MAP3K4: variants seen among roughly 807,000 people sequenced by gnomAD.
MAP3K4 encodes the protein MAP three kinase 1.
In MAP3K4, 67 loss-of-function variants were observed where a neutral mutation model predicts 185.6. That is an observed-to-expected ratio of 0.36 (90% CI 0.30 to 0.44). The LOEUF is 0.44. MAP3K4 is among the 20% of genes least tolerant of loss of function. MAP3K4 has a pLI of 1.00. For synonymous variants in MAP3K4, 702 were observed against 710.4 expected (o/e 0.99, Z 0.19); for missense variants, 1,551 against 1,995.1 (o/e 0.78, Z 4.24).
At chr6:161,060,052 A>C (rs1429903493) in intron 3 of MAP3K4, among the ~76,000 whole-genome samples, 1 of 152,206 alleles carries the variant, frequency 6.6e-6, no homozygotes, top group Non-Finnish European at 1.5e-5. Flanking sequence ...CTACTTTCCC[A>C]GGACACACAC....
chr6:161,024,739 T>G (rs77875505), intron 1 of MAP3K4, among the ~76,000 whole-genome samples: 1,614 of 152,298 alleles, frequency 0.011, 28 homozygotes, highest in African/African-American at 0.037. Context: ...GGCTTACCAC[T>G]GATATGTTAA....
At position 160,991,993 on chromosome 6, in the gene MAP3K4, C is replaced by T; in HGVS notation, c.62C>T (p.Ala21Val). Reference protein sequence around the residue: ...PPAFAVTPAAAMEEPPPPPPP... With the variant: ...PPAFAVTPAAVMEEPPPPPPP... The stretch of plus-strand genomic sequence containing the variant: ...GCCTTTGCCGTCACGCCTGCCGCCG[C>T]CATGGAGGAGCCGCCGCCACCGCCG... Residue 21 changes from alanine (A) to valine (V), a missense_variant, in exon 1 of 27, where the codon GCC becomes GTC. Ala to Val is a moderately conservative substitution (Grantham distance 64). Transcript: ENST00000392142. This position sits in a 1 kb window ranked among gnomAD's most constrained non-coding sequence, Gnocchi z 5.7. 1 of 1,545,964 alleles carries T rather than the reference C, an allele frequency of 6.5e-7. No homozygotes were observed. The highest frequency in any genetic ancestry group is 8.7e-7 in the Non-Finnish European group (1 of 1,152,678).
intron 19 of MAP3K4, 77 bp downstream of exon 19, chr6:161,102,856 T>C: frequency 2.1e-6 from 2 of 970,570 alleles, no homozygotes; most frequent in Non-Finnish European, 3.0e-6. Flanking sequence ...CAGTTTCAGG[T>C]AAAACTTGAT....
intron 1 of MAP3K4, among the ~76,000 whole-genome samples, chr6:161,016,679 A>C (rs1244563021): frequency 6.6e-6 from 1 of 152,168 alleles, no homozygotes; most frequent in Admixed American, 6.5e-5. Flanking sequence ...GGACTCTCTC[A>C]GTTCTGTTCC....
intron 25 of MAP3K4, among the ~76,000 whole-genome samples, chr6:161,113,921 C>T (rs1222854628): frequency 1.3e-5 from 2 of 151,316 alleles, no homozygotes; most frequent in African/African-American, 2.4e-5. Context: ...CCTCAGCCTC[C>T]CAAGTAGCTG....
chr6:161,009,386 ACT>A (rs1248784530), intron 1 of MAP3K4, among the ~76,000 whole-genome samples: 1 of 151,858 alleles, frequency 6.6e-6, no homozygotes, highest in African/African-American at 2.4e-5. Flanking sequence ...CAAAACTGAA[ACT>A]CTATACCCAT....
In MAP3K4 at chr6:161,053,290, G is replaced by C. The variant is rs1784086082; in HGVS notation, c.1707+3311G>C. 6.6e-6 allele frequency among the ~76,000 whole-genome samples: 1 copy of C among 152,112 alleles called. No individual in the cohort carries two copies. Among genetic ancestry groups the C allele is most frequent in the Non-Finnish European group, 1.5e-5 (1 of 68,024 alleles). ...TCACCATCATGAGAACAGCACCAAT[G>C]GGATGGTACTAAACGGTCACCTCCC... On this transcript the variant is annotated intron_variant, in intron 3 of 26. Coordinates refer to ENST00000392142, the MANE Select transcript of MAP3K4 (RefSeq NM_005922.4). The surrounding 1 kb of genome is among the most constrained non-coding windows in gnomAD (Gnocchi z 4.2).
chr6:161,111,738 T>G, intron 23 of MAP3K4, 98 bp from the exon 24 acceptor site: 2 of 1,164,892 alleles, frequency 1.7e-6, no homozygotes, highest in Non-Finnish European at 2.5e-6. Context: ...TTCGATTGTT[T>G]AGCTTGTGAA....
In MAP3K4 at chr6:161,022,466, G is replaced by A. The variant is rs181345620; in HGVS notation, c.153-11793G>A. ...TCACCAAAGATGTGAGTCCTAGAGC[G>A]GACCAGAGAACTGGCTCTCTGAACT... is the stretch of plus-strand genomic sequence containing the variant. On this transcript the variant is annotated intron_variant, in intron 1 of 26. Transcript: ENST00000392142. This position sits in a 1 kb window ranked among gnomAD's most constrained non-coding sequence, Gnocchi z 4.2. Among the ~76,000 whole-genome samples, 17 of 152,274 alleles carry A rather than the reference G, an allele frequency of 1.1e-4. No homozygotes were observed. The South Asian group carries it at 1.2e-3, about 11-fold the overall frequency.
Position 161,049,435 on chromosome 6 carries a change from A to G in MAP3K4, c.1163A>G (p.Asp388Gly). Residue 388 changes from aspartate to glycine, a missense_variant, in exon 3 of 27, where the codon GAC becomes GGC. Asp to Gly is a moderately conservative substitution (Grantham distance 94). This residue lies in a region of MAP3K4 where 93 missense variants were observed against 96.7 expected (regional missense o/e 0.96). Transcript: ENST00000392142. This position sits in a 1 kb window ranked among gnomAD's most constrained non-coding sequence, Gnocchi z 8.4. Reference sequence around the variant, plus strand: ...AAATATGCTGCAAAAGACTTCCAGGACAGGGTGCAGGCACTCTGTTTGTGG... The same window carrying G: ...AAATATGCTGCAAAAGACTTCCAGGGCAGGGTGCAGGCACTCTGTTTGTGG... ...YEKYAAKDFQ[D>G]RVQALCLWLN... The G allele has an allele frequency of 1.2e-6, 2 of 1,614,168 alleles. No homozygotes were observed. Among genetic ancestry groups the G allele is most frequent in the Middle Eastern group, 1.6e-4 (1 of 6,062 alleles).
intron 1 of MAP3K4, among the ~76,000 whole-genome samples, chr6:161,013,064 AC>A (rs1330848067): frequency 6.6e-6 from 1 of 152,254 alleles, no homozygotes; most frequent in African/African-American, 2.4e-5. Context: ...AGGATTTTGA[AC>A]ACTTTTAAAG....
At chr6:160,999,024 A>G (rs1179702350) in intron 1 of MAP3K4, among the ~76,000 whole-genome samples, 1 of 152,252 alleles carries the variant, frequency 6.6e-6, no homozygotes, top group Admixed American at 6.5e-5. Context: ...CGTGTTTATA[A>G]ATTAGCAGGG....
intron 13 of MAP3K4, among the ~76,000 whole-genome samples, chr6:161,092,775 T>G (rs1583222722): frequency 6.6e-6 from 1 of 152,350 alleles, no homozygotes; most frequent in East Asian, 1.9e-4. Flanking sequence ...ATGCTTCCCA[T>G]TGGTTTCAAA....
rs528018421 is a variant in MAP3K4 at position 161,063,149 on chromosome 6, G to A, written c.1708-7459G>A. Among the ~76,000 whole-genome samples the A allele has an allele frequency of 2.7e-4, 41 of 151,944 alleles. No individual in the cohort carries two copies. The highest frequency in any genetic ancestry group is 9.6e-4 in the African/African-American group (40 of 41,494). The stretch of plus-strand genomic sequence containing the variant: ...TTCTAGTTTGTTTTTGATTTGGGAC[G>A]TAAAATTGATTTGATTTTTGATTAA... On this transcript the variant is annotated intron_variant, in intron 3 of 26. Coordinates refer to ENST00000392142, the MANE Select transcript of MAP3K4 (RefSeq NM_005922.4). This position sits in a 1 kb window ranked among gnomAD's most constrained non-coding sequence, Gnocchi z 5.4.
chr6:161,035,943 A>G (rs1023320215), intron 2 of MAP3K4, among the ~76,000 whole-genome samples: 2 of 152,202 alleles, frequency 1.3e-5, no homozygotes, highest in African/African-American at 4.8e-5. Context: ...TAAGTCCAGA[A>G]GGCTTGAGAT....
At chr6:161,042,916 A>G (rs1462497699) in intron 2 of MAP3K4, among the ~76,000 whole-genome samples, 4 of 112,284 alleles carry the variant, frequency 3.6e-5, no homozygotes, top group African/African-American at 4.9e-5. Flanking sequence ...TTGCACACAC[A>G]CACACACACA....
rs1778239047 is a variant in MAP3K4 at position 161,109,225 on chromosome 6, G to A, written c.4236+366G>A. ...GGTTTTTTTCTTGTATGTATTTAGG[G>A]AGCCATTGTGAAATGAGAGAAAATT... On this transcript the variant is annotated intron_variant, in intron 22 of 26. Transcript: ENST00000392142. The surrounding 1 kb of genome is among the most constrained non-coding windows in gnomAD (Gnocchi z 5.7). 6.6e-6 allele frequency among the ~76,000 whole-genome samples: 1 copy of A among 152,064 alleles called. No individual in the cohort carries two copies. Among genetic ancestry groups the A allele is most frequent in the Non-Finnish European group, 1.5e-5 (1 of 68,016 alleles).
chr6:161,096,834 C>T lies in MAP3K4; in HGVS notation c.3428-246C>T. ...AGCTTACATTATGTATGTTTTACTC[C>T]AGGATTTTTAAAAATGTTTTTTGAT... On this transcript the variant is annotated intron_variant, in intron 15 of 26. Transcript: ENST00000392142. The surrounding 1 kb of genome is among the most constrained non-coding windows in gnomAD (Gnocchi z 4.9). The T allele has an allele frequency of 2.5e-6, 1 of 396,140 alleles. No individual in the cohort carries two copies. Among genetic ancestry groups the T allele is most frequent in the Non-Finnish European group, 4.5e-6 (1 of 220,116 alleles). The allele number at this position is 396,140 out of a possible 1,614,324, so 24.5% of individuals were successfully genotyped here.
rs1716684491 is a variant in MAP3K4 at position 161,007,502 on chromosome 6, ATAAAGT to A, written c.152+15424_152+15429del. ...CTCTCTTAAGGAGCACAGGGCTCAG[ATAAAGT>A]TAAACAGTTGTGTCAAGTGATGGGT... is the stretch of plus-strand genomic sequence containing the variant. On this transcript the variant is annotated intron_variant, in intron 1 of 26. Coordinates refer to ENST00000392142, the MANE Select transcript of MAP3K4 (RefSeq NM_005922.4). This position sits in a 1 kb window ranked among gnomAD's most constrained non-coding sequence, Gnocchi z 4.5. Among the ~76,000 whole-genome samples, 2 of 152,220 alleles carry A rather than the reference ATAAAGT, an allele frequency of 1.3e-5. No individual in the cohort carries two copies. Among genetic ancestry groups the A allele is most frequent in the South Asian group, 2.1e-4 (1 of 4,838 alleles).
Sources: gnomAD v4.1 joint callset for allele counts (sites outside exome capture counted in the v4.1 genomes callset) on GRCh38, gnomAD v4.1.1 for gene constraint, gnomAD v4.1.1 regional missense constraint, Gnocchi (gnomAD v3.1) non-coding constraint, MANE v1.5 for transcripts, NCBI Gene and HGNC (gene_info 2026-07-23, HGNC 2026-07-21) for gene names.